RIMS2: variants seen among roughly 807,000 people sequenced by gnomAD.
The protein encoded by RIMS2 is regulating synaptic membrane exocytosis 2, also known as regulating synaptic membrane exocytosis protein 2.
In RIMS2, 59 loss-of-function variants were observed where a neutral mutation model predicts 174.4. The observed-to-expected ratio is 0.34, with a 90% CI of 0.27 to 0.42. The LOEUF (loss-of-function observed/expected upper bound fraction) is 0.42. Among genes scored for constraint, RIMS2 ranks in the 10% least tolerant of loss-of-function variants. The pLI is 1.00. For synonymous variants in RIMS2, 606 were observed against 572.5 expected (o/e 1.06, Z -0.84); for missense variants, 1,620 against 1,666.3 (o/e 0.97, Z 0.48).
At chr8:103,592,632 C>G (rs990378846) in intron 1 of RIMS2, among the ~76,000 whole-genome samples, 1 of 151,310 alleles carries the variant, frequency 6.6e-6, no homozygotes, top group Non-Finnish European at 1.5e-5. Flanking sequence ...TATGTGAAGT[C>G]AAAACTATTT....
chr8:103,618,274 A>G (rs1405252974), intron 1 of RIMS2, among the ~76,000 whole-genome samples: 1 of 152,150 alleles, frequency 6.6e-6, no homozygotes, highest in Non-Finnish European at 1.5e-5. Context: ...CTAAATTATA[A>G]CTTAATGAAC....
chr8:103,858,437 A>T (rs1447953502), intron 3 of RIMS2, among the ~76,000 whole-genome samples: 1 of 152,130 alleles, frequency 6.6e-6, no homozygotes, highest in East Asian at 1.9e-4. Flanking sequence ...AAGGCATTGG[A>T]TTATCATATA....
intron 3 of RIMS2, among the ~76,000 whole-genome samples, chr8:103,861,195 T>G (rs1329913251): frequency 2.6e-5 from 4 of 151,382 alleles, no homozygotes; most frequent in Non-Finnish European, 5.9e-5. Flanking sequence ...GTGTACCTGT[T>G]GTTTAGCTCC....
chr8:103,932,618 G>C (rs1298408968), intron 12 of RIMS2, among the ~76,000 whole-genome samples: 1 of 152,184 alleles, frequency 6.6e-6, no homozygotes, highest in African/African-American at 2.4e-5. Context: ...CATTACTTAA[G>C]TTTCTACTTA....
chr8:103,529,237 AT>A (rs34299263), intron 1 of RIMS2, among the ~76,000 whole-genome samples: 27,666 of 151,898 alleles, frequency 0.18, 2,761 homozygotes, highest in African/African-American at 0.26. Flanking sequence ...TTGCACATTG[AT>A]TTTTGTATCC....
At chr8:103,555,256 A>G (rs943933486) in intron 1 of RIMS2, among the ~76,000 whole-genome samples, 1 of 152,214 alleles carries the variant, frequency 6.6e-6, no homozygotes, top group African/African-American at 2.4e-5. Flanking sequence ...GCCAATAGGT[A>G]TATGAAAAAA....
intron 19 of RIMS2, among the ~76,000 whole-genome samples, chr8:104,243,119 G>T (rs928953760): frequency 6.6e-6 from 1 of 152,086 alleles, no homozygotes; most frequent in Non-Finnish European, 1.5e-5. Flanking sequence ...ATTAGTAGGG[G>T]ATGTTTTGTA....
chr8:103,716,372 G>T (rs2097368064), intron 2 of RIMS2, 52 bp downstream of exon 5: 1 of 151,314 alleles, frequency 6.6e-6, no homozygotes, highest in Non-Finnish European at 1.5e-5. Flanking sequence ...TGTTGTTATT[G>T]CCAGTTTTAA....
At chr8:103,722,677 T>C (rs993216492) in intron 2 of RIMS2, among the ~76,000 whole-genome samples, 2 of 152,154 alleles carry the variant, frequency 1.3e-5, no homozygotes, top group Non-Finnish European at 2.9e-5. Context: ...GAAGCCCAGT[T>C]CCTAACAGGT....
chr8:103,905,444 T>C (rs539121247), intron 4 of RIMS2, among the ~76,000 whole-genome samples: 2 of 152,236 alleles, frequency 1.3e-5, no homozygotes, highest in East Asian at 3.9e-4. Flanking sequence ...TGATGAGGGG[T>C]TGGCTATCAT....
At chr8:103,590,632 A>AT (rs2094207002) in intron 1 of RIMS2, among the ~76,000 whole-genome samples, 1 of 112,222 alleles carries the variant, frequency 8.9e-6, no homozygotes, top group African/African-American at 3.4e-5. Flanking sequence ...TCCTTTATAC[A>AT]TTCATGAATC....
At chr8:103,877,462 T>G (rs2099146838) in intron 3 of RIMS2, among the ~76,000 whole-genome samples, 1 of 152,054 alleles carries the variant, frequency 6.6e-6, no homozygotes, top group Admixed American at 6.6e-5. Flanking sequence ...ATTTGTCAGA[T>G]GTATAGATTC....
intron 1 of RIMS2, among the ~76,000 whole-genome samples, chr8:103,571,018 G>A (rs1332649592): frequency 1.3e-5 from 2 of 151,850 alleles, no homozygotes; most frequent in Non-Finnish European, 2.9e-5. Context: ...TGATCAATTG[G>A]TCTACTTATA....
chr8:104,199,040 CTTTTATTTTATTTTATTTTA>C (rs61341032), intron 19 of RIMS2, among the ~76,000 whole-genome samples: 6 of 148,438 alleles, frequency 4.0e-5, no homozygotes, highest in Non-Finnish European at 8.9e-5. Context: ...TAAAATATAA[CTTTTATTTTATTTTATTTTA>C]TTTTATTTTA....
chr8:103,791,446 G>A (rs1454394239), intron 3 of RIMS2, among the ~76,000 whole-genome samples: 4 of 152,060 alleles, frequency 2.6e-5, no homozygotes, highest in African/African-American at 9.7e-5. Context: ...GGAACAACCC[G>A]TACGAGCCAC....
At chr8:104,188,070 T>C (rs78632325) in intron 19 of RIMS2, among the ~76,000 whole-genome samples, 3,494 of 151,806 alleles carry the variant, frequency 0.023, 139 homozygotes, top group African/African-American at 0.077. Flanking sequence ...ATAGTATTTA[T>C]AGTATGAGAA....
intron 4 of RIMS2, among the ~76,000 whole-genome samples, chr8:103,889,727 G>A (rs1027867035): frequency 1.3e-5 from 2 of 151,384 alleles, no homozygotes; most frequent in African/African-American, 4.8e-5. Context: ...ACTTTGGCTC[G>A]TCTCTTACTT....
rs536534706 is a variant in RIMS2, at chr8:103,807,703, A to G, written c.698+41166A>G. Among the ~76,000 whole-genome samples, 14 of 152,260 alleles carry G rather than the reference A, an allele frequency of 9.2e-5. No individual in the cohort carries two copies. In the East Asian group the frequency reaches 1.5e-3, roughly 17 times the overall value. On this transcript the variant is annotated intron_variant, in intron 3 of 23. Coordinates refer to ENST00000504942, the Ensembl canonical transcript of RIMS2. ...AGACTAAAGAGTAAATAAACTAGGT[A>G]TTTTATGGAGGAGCTGGTAATAAAA...
intron 19 of RIMS2, among the ~76,000 whole-genome samples, chr8:104,186,097 G>T (rs1289564443): frequency 2.0e-5 from 3 of 151,616 alleles, no homozygotes; most frequent in Non-Finnish European, 4.4e-5. Flanking sequence ...AACATGAATG[G>T]AACTGGAGAC....
Sources: gnomAD v4.1 joint callset for allele counts (sites outside exome capture counted in the v4.1 genomes callset) on GRCh38, gnomAD v4.1.1 for gene constraint, MANE v1.5 for transcripts, NCBI Gene and HGNC (gene_info 2026-07-23, HGNC 2026-07-21) for gene names.